Variants in CCDC150 observed in about 807,000 individuals in gnomAD.
CCDC150 encodes coiled-coil domain-containing protein 150.
CCDC150 carries 151 observed loss-of-function variants against 156.5 expected under a neutral mutation model. The ratio of observed to expected loss-of-function variants is 0.97; its 90% CI spans 0.85 to 1.10. The LOEUF (loss-of-function observed/expected upper bound fraction) is 1.10, where lower values mean the gene tolerates loss of function less well. CCDC150 is among the 50% of genes least tolerant of loss of function. The pLI is 0.00. For synonymous variants in CCDC150, 452 were observed against 429.4 expected, an observed-to-expected ratio of 1.05 and a Z score of -0.65; for missense variants, 1,312 against 1,268.1, an observed-to-expected ratio of 1.03 and a Z score of -0.53.
At chr2:196,713,698 C>G in intron 17 of CCDC150, 1 of 1,376,926 alleles carries the variant, frequency 7.3e-7, no homozygotes, top group Non-Finnish European at 9.4e-7. Context: ...GTGAAGACCA[C>G]AAATTAAATC....
At chr2:196,686,819 A>C (rs1695155375) in intron 13 of CCDC150, among the ~76,000 whole-genome samples, 1 of 152,060 alleles carries the variant, frequency 6.6e-6, no homozygotes, top group Admixed American at 6.6e-5. Flanking sequence ...GTGTATCCAT[A>C]TATTCTCATC....
At chr2:196,684,614 C>T (rs1376053450) in intron 13 of CCDC150, among the ~76,000 whole-genome samples, 5 of 152,074 alleles carry the variant, frequency 3.3e-5, no homozygotes, top group African/African-American at 1.2e-4. Flanking sequence ...AATCTTCTGT[C>T]CAGTTGTTCT....
At chr2:196,681,652 G>A (rs1296651126) in intron 13 of CCDC150, among the ~76,000 whole-genome samples, 6 of 152,090 alleles carry the variant, frequency 3.9e-5, no homozygotes, top group Non-Finnish European at 8.8e-5. Flanking sequence ...TTTGATTATA[G>A]CCATCCTAAT....
chr2:196,726,996 A>G (rs1205648627), intron 22 of CCDC150: 2 of 152,272 alleles, frequency 1.3e-5, no homozygotes, highest in Non-Finnish European at 2.9e-5. Flanking sequence ...AACTGGAGGC[A>G]TGGAGGCTCG....
rs57421391 is a variant in CCDC150, at chr2:196,694,052, A to AT, written c.1510-973dup. On this transcript the variant is annotated intron_variant, in intron 13 of 27. Transcript: ENST00000389175. The stretch of plus-strand genomic sequence containing the variant: ...TCATTTTGCTAATATTTTGTGGAAG[A>AT]TTTTTTTTTTTTTTTTTTTTTGAGA... Among the ~76,000 whole-genome samples, 56 of 79,406 alleles carry AT rather than the reference A, an allele frequency of 7.1e-4. 1 individual carries two copies. Among genetic ancestry groups the AT allele is most frequent in the Non-Finnish European group, 9.6e-4 (39 of 40,756 alleles). The allele number at this position is 79,406 out of a possible 152,430, so 52.1% of individuals were successfully genotyped here.
intron 15 of CCDC150, among the ~76,000 whole-genome samples, chr2:196,710,267 G>C (rs190826475): frequency 2.6e-5 from 4 of 152,380 alleles, no homozygotes; most frequent in African/African-American, 9.6e-5. Context: ...TTCTGCGTTA[G>C]CAGTGAGCAA....
chr2:196,708,722 C>T (rs1444890615), intron 15 of CCDC150, among the ~76,000 whole-genome samples: 1 of 152,172 alleles, frequency 6.6e-6, no homozygotes, highest in Admixed American at 6.5e-5. Context: ...AATATCTCAG[C>T]ATTTGCTTGT....
At chr2:196,641,387 T>C (rs182488774) in intron 1 of CCDC150, among the ~76,000 whole-genome samples, 3 of 152,276 alleles carry the variant, frequency 2.0e-5, no homozygotes, top group African/African-American at 7.2e-5. Context: ...CATCAGACCT[T>C]CTAACTTCAG....
intron 20 of CCDC150, 128 bp downstream of exon 20, chr2:196,720,796 A>G: frequency 1.3e-6 from 1 of 783,746 alleles, no homozygotes; most frequent in Non-Finnish European, 2.0e-6. Context: ...AGTTTTGGAC[A>G]GTGACATATC....
intron 27 of CCDC150, 123 bp from the exon 28 acceptor site, chr2:196,732,323 C>A: frequency 8.7e-6 from 10 of 1,145,890 alleles, no homozygotes; most frequent in African/African-American, 1.6e-5. Flanking sequence ...CCACCTGTCA[C>A]AAACTTTTTA....
At chr2:196,641,841 T>C (rs762149859) in intron 1 of CCDC150, among the ~76,000 whole-genome samples, 5 of 152,242 alleles carry the variant, frequency 3.3e-5, no homozygotes, top group Non-Finnish European at 7.3e-5. Context: ...ACCAACAGCA[T>C]GTACTTGTAT....
At chr2:196,672,131 TAAAC>T (rs1028323159) in intron 8 of CCDC150, among the ~76,000 whole-genome samples, 1 of 152,188 alleles carries the variant, frequency 6.6e-6, no homozygotes, top group African/African-American at 2.4e-5. Context: ...TTGTTTTAAA[TAAAC>T]AGTTTTGATA....
At chr2:196,665,385 T>A (rs1257498838) in intron 5 of CCDC150, among the ~76,000 whole-genome samples, 182 bp from the exon 6 acceptor site, 1 of 152,176 alleles carries the variant, frequency 6.6e-6, no homozygotes, top group Non-Finnish European at 1.5e-5. Context: ...TTGATCTACA[T>A]TCCTTAGGAG....
At chr2:196,696,009 A>G (rs1279313604) in intron 14 of CCDC150, among the ~76,000 whole-genome samples, 1 of 152,200 alleles carries the variant, frequency 6.6e-6, no homozygotes, top group Non-Finnish European at 1.5e-5. Flanking sequence ...AAAGTCTTTC[A>G]AACTGTTATA....
chr2:196,702,992 ACTTATTC>A (rs1696342621), intron 15 of CCDC150, among the ~76,000 whole-genome samples: 1 of 152,194 alleles, frequency 6.6e-6, no homozygotes, highest in Non-Finnish European at 1.5e-5. Flanking sequence ...AAGAGCGAGA[ACTTATTC>A]ACCCATGTGA....
chr2:196,715,908 G>A (rs1194300513), intron 17 of CCDC150, among the ~76,000 whole-genome samples: 1 of 152,128 alleles, frequency 6.6e-6, no homozygotes, highest in East Asian at 1.9e-4. Flanking sequence ...AACATTAAGG[G>A]AATGAAGAGA....
chr2:196,694,528 A>G (rs562952088), intron 13 of CCDC150, among the ~76,000 whole-genome samples: 1 of 152,286 alleles, frequency 6.6e-6, no homozygotes, highest in Admixed American at 6.5e-5. Context: ...TTTAGAAAAA[A>G]TGTTAGACCC....
At chr2:196,671,360 A>G (rs1261021418) in intron 8 of CCDC150, among the ~76,000 whole-genome samples, 1 of 151,558 alleles carries the variant, frequency 6.6e-6, no homozygotes, top group Non-Finnish European at 1.5e-5. Flanking sequence ...TCACTTAGTA[A>G]TAAGTATTTA....
chr2:196,679,723 C>T (rs1273488896), intron 13 of CCDC150, among the ~76,000 whole-genome samples: 2 of 152,204 alleles, frequency 1.3e-5, no homozygotes, highest in Non-Finnish European at 2.9e-5. Flanking sequence ...TACCATCTTA[C>T]ATTTCTGTTA....
Sources: allele counts gnomAD v4.1 joint callset (sites outside exome capture counted in the v4.1 genomes callset), GRCh38; gene constraint gnomAD v4.1.1; transcripts MANE v1.5; gene names NCBI Gene and HGNC (gene_info 2026-07-23, HGNC 2026-07-21).